The following PDCD6IP variants were observed in gnomAD, a reference collection of about 807,000 sequenced individuals.
PDCD6IP encodes the protein programmed cell death 6-interacting protein.
Under a neutral mutation model 103.7 loss-of-function variants are expected in PDCD6IP, and 43 were observed. The observed-to-expected ratio is 0.41, with a 90% CI of 0.32 to 0.53. PDCD6IP has a LOEUF of 0.53. Ranked by LOEUF, PDCD6IP falls within the 20% of genes least tolerant of loss-of-function variation. The pLI, the probability that PDCD6IP is intolerant of heterozygous loss-of-function variation, is 0.16. For missense variants in PDCD6IP, 871 were observed against 1,036.7 expected, an observed-to-expected ratio of 0.84 and a Z score of 2.20; for synonymous variants, 354 against 378.7, an observed-to-expected ratio of 0.93 and a Z score of 0.76.
chr3:33,812,169 C>A lies in PDCD6IP; in HGVS notation c.264+43C>A, dbSNP rs1696733813. The A allele has an allele frequency of 1.9e-6, 3 of 1,566,234 alleles. No homozygotes were observed. In the East Asian group the frequency reaches 7.0e-5, roughly 36 times the overall value. On this transcript the variant is annotated intron_variant, in intron 2 of 17. Coordinates refer to ENST00000307296, the MANE Select transcript of PDCD6IP (RefSeq NM_013374.6). Reference sequence around the variant, plus strand: ...TCTTAAAATTATATGGTAATAGCACCCATTTCCTTCTGCCAATATCTTCAC... The same window carrying A: ...TCTTAAAATTATATGGTAATAGCACACATTTCCTTCTGCCAATATCTTCAC...
chr3:33,865,179 T>A, intron 16 of PDCD6IP, 64 bp from the exon 17 acceptor site: 1 of 1,147,572 alleles, frequency 8.7e-7, no homozygotes, highest in Non-Finnish European at 1.2e-6. Flanking sequence ...TTATTAATTT[T>A]AATTAATAGC....
At chr3:33,822,127 G>T in intron 4 of PDCD6IP, 45 bp downstream of exon 4, 1 of 1,583,850 alleles carries the variant, frequency 6.3e-7, no homozygotes, top group Non-Finnish European at 8.6e-7. Flanking sequence ...ACACTAAATT[G>T]GATTAAGTGG....
chr3:33,852,301 G>T (rs1697731111), intron 12 of PDCD6IP, among the ~76,000 whole-genome samples, 187 bp from the exon 13 acceptor site: 1 of 152,090 alleles, frequency 6.6e-6, no homozygotes, highest in Non-Finnish European at 1.5e-5. Context: ...TGCTGCTTTT[G>T]TTTTAATATG....
intron 17 of PDCD6IP, 33 bp downstream of exon 17, chr3:33,865,463 CTA>C: frequency 6.5e-7 from 1 of 1,546,096 alleles, no homozygotes; most frequent in Non-Finnish European, 8.7e-7. Flanking sequence ...CCCAAGTTGG[CTA>C]ATGTTGTTTC....
At chr3:33,864,201 C>T (rs1349343544) in intron 16 of PDCD6IP, 72 bp downstream of exon 16, 4 of 914,524 alleles carry the variant, frequency 4.4e-6, no homozygotes, top group Non-Finnish European at 7.0e-6. Context: ...ACGGATAAAA[C>T]ATGATTTACA....
rs1575915570 is a variant in PDCD6IP, at chr3:33,824,248, A to G, written c.463-939A>G. Among the ~76,000 whole-genome samples, 10 of 145,578 alleles carry G rather than the reference A, an allele frequency of 6.9e-5. No individual in the cohort carries two copies. The Middle Eastern group carries it at 0.011, about 155-fold the overall frequency. ...TCTGTGTTGTCTATTTATCTAACTC[A>G]TGACACCTTTTTTTTTTTTTCTTTT... On this transcript the variant is annotated intron_variant, in intron 4 of 17. Transcript: ENST00000307296.
intron 4 of PDCD6IP, among the ~76,000 whole-genome samples, chr3:33,823,664 C>G (rs1697046609): frequency 6.6e-6 from 1 of 151,998 alleles, no homozygotes; most frequent in Admixed American, 6.6e-5. Flanking sequence ...CGCCTGTAGT[C>G]TGAGCTACTC....
At chr3:33,843,386 G>A (rs1697518272) in intron 10 of PDCD6IP, among the ~76,000 whole-genome samples, 1 of 152,116 alleles carries the variant, frequency 6.6e-6, no homozygotes. Context: ...CACAGCTGGT[G>A]AACTATGGAT....
chr3:33,835,816 A>T (rs1031732919), intron 7 of PDCD6IP, among the ~76,000 whole-genome samples: 1 of 152,182 alleles, frequency 6.6e-6, no homozygotes, highest in African/African-American at 2.4e-5. Context: ...TTATCTTGAT[A>T]ATCTGCCTGT....
At chr3:33,838,005 C>G (rs1386504253) in intron 8 of PDCD6IP, among the ~76,000 whole-genome samples, 199 bp from the exon 9 acceptor site, 1 of 152,076 alleles carries the variant, frequency 6.6e-6, no homozygotes, top group East Asian at 1.9e-4. Context: ...TCATTGTTGC[C>G]GTTGTCCATG....
chr3:33,829,230 T>C (rs1697193906), intron 7 of PDCD6IP, among the ~76,000 whole-genome samples: 1 of 152,164 alleles, frequency 6.6e-6, no homozygotes, highest in African/African-American at 2.4e-5. Context: ...CTAAATTAAT[T>C]GCCATCTCCA....
intron 12 of PDCD6IP, among the ~76,000 whole-genome samples, chr3:33,849,032 G>A (rs184189135): frequency 6.6e-6 from 1 of 152,306 alleles, no homozygotes; most frequent in Non-Finnish European, 1.5e-5. Flanking sequence ...ACACTACAAA[G>A]CAGAGTTAAA....
At chr3:33,816,020 G>C (rs1696841688) in intron 3 of PDCD6IP, among the ~76,000 whole-genome samples, 1 of 152,130 alleles carries the variant, frequency 6.6e-6, no homozygotes, top group African/African-American at 2.4e-5. Flanking sequence ...CAGGAACCAG[G>C]GTAAAATAGA....
intron 1 of PDCD6IP, among the ~76,000 whole-genome samples, chr3:33,808,645 A>C (rs1190327783): frequency 6.6e-6 from 1 of 152,086 alleles, no homozygotes; most frequent in African/African-American, 2.4e-5. Context: ...TCATCTCTTG[A>C]CTGGATTACT....
chr3:33,831,818 T>C (rs1301307630), intron 7 of PDCD6IP, among the ~76,000 whole-genome samples: 2 of 151,940 alleles, frequency 1.3e-5, no homozygotes, highest in African/African-American at 4.8e-5. Flanking sequence ...ACTGAAGTGG[T>C]AGTATGCTAT....
At chr3:33,830,065 G>C (rs1195716591) in intron 7 of PDCD6IP, among the ~76,000 whole-genome samples, 1 of 152,086 alleles carries the variant, frequency 6.6e-6, no homozygotes, top group Non-Finnish European at 1.5e-5. Context: ...ATGCCCCCAC[G>C]TCCCAACACT....
chr3:33,843,952 A>G (rs892525167), intron 10 of PDCD6IP, 160 bp from the exon 11 acceptor site: 6 of 455,526 alleles, frequency 1.3e-5, no homozygotes, highest in East Asian at 1.2e-4. Context: ...TAAATGCATT[A>G]TAACTTAGAT....
Position 33,867,474 on chromosome 3 carries a change from A to T in PDCD6IP, c.*949A>T, listed in dbSNP as rs1698090940. On this transcript the variant is annotated 3_prime_UTR_variant, in exon 18 of 18. Coordinates refer to ENST00000307296, the MANE Select transcript of PDCD6IP (RefSeq NM_013374.6). ...TACCCTCTCATCCTTTTTCCACCTT[A>T]CTGTGTTAACTTAGTGACATTTAAT... The T allele has an allele frequency of 6.6e-6, 1 of 152,148 alleles. No homozygotes were observed. Among genetic ancestry groups the T allele is most frequent in the Non-Finnish European group, 1.5e-5 (1 of 68,018 alleles). 9.4% of individuals were successfully genotyped at this position (152,148 alleles called of 1,614,324 possible).
chr3:33,823,860 G>A (rs1285870973), intron 4 of PDCD6IP, among the ~76,000 whole-genome samples: 1 of 152,110 alleles, frequency 6.6e-6, no homozygotes, highest in Non-Finnish European at 1.5e-5. Context: ...AACTCAGTTA[G>A]TTAGTATATG....
Sources: gnomAD v4.1 joint callset for allele counts (sites outside exome capture counted in the v4.1 genomes callset) on GRCh38, gnomAD v4.1.1 for gene constraint, MANE v1.5 for transcripts, NCBI Gene and HGNC (gene_info 2026-07-23, HGNC 2026-07-21) for gene names.